DCC: variants seen among roughly 807,000 people sequenced by gnomAD.
DCC encodes the protein DCC netrin 1 receptor, also known as netrin receptor DCC.
In DCC, 58 loss-of-function variants were observed where a neutral mutation model predicts 172.5. The observed-to-expected ratio is 0.34, with a 90% CI of 0.27 to 0.42. The LOEUF (loss-of-function observed/expected upper bound fraction) is 0.42. Ranked by LOEUF, DCC falls within the 10% of genes least tolerant of loss-of-function variation. The probability of loss-of-function intolerance (pLI) is 1.00; values close to 1 mark genes in which losing one functional copy is unlikely to be tolerated. For synonymous variants in DCC, 709 were observed against 644.5 expected, an observed-to-expected ratio of 1.10 and a Z score of -1.52; for missense variants, 1,740 against 1,791.0, an observed-to-expected ratio of 0.97 and a Z score of 0.51.
chr18:52,919,560 C>T (rs2040089072), intron 3 of DCC, among the ~76,000 whole-genome samples: 1 of 151,714 alleles, frequency 6.6e-6, no homozygotes, highest in African/African-American at 2.4e-5. Context: ...ACAAACATCA[C>T]TGAAATGAGC....
At chr18:52,984,134 G>A (rs1362421481) in intron 5 of DCC, among the ~76,000 whole-genome samples, 1 of 152,006 alleles carries the variant, frequency 6.6e-6, no homozygotes, top group African/African-American at 2.4e-5. Flanking sequence ...ATGTCCCAAT[G>A]AGCTATATAG....
intron 14 of DCC, among the ~76,000 whole-genome samples, chr18:53,326,383 A>C (rs2057468606): frequency 6.6e-6 from 1 of 152,194 alleles, no homozygotes; most frequent in Non-Finnish European, 1.5e-5. Flanking sequence ...AAAATTGATA[A>C]TACCAAAGGC....
At chr18:52,880,910 A>G (rs953372234) in intron 2 of DCC, among the ~76,000 whole-genome samples, 5 of 152,104 alleles carry the variant, frequency 3.3e-5, no homozygotes, top group African/African-American at 9.6e-5. Flanking sequence ...TGATAGTTCT[A>G]TTTTTAGTTT....
chr18:52,858,627 G>A (rs149038976), intron 2 of DCC, among the ~76,000 whole-genome samples: 1,826 of 152,284 alleles, frequency 0.012, 20 homozygotes, highest in Non-Finnish European at 0.018. Context: ...TTGAAACCAA[G>A]AGAGTTTAGA....
chr18:53,497,201 C>G (rs866960878), intron 26 of DCC, among the ~76,000 whole-genome samples: 1 of 152,188 alleles, frequency 6.6e-6, no homozygotes, highest in African/African-American at 2.4e-5. Context: ...GTGAGACGCA[C>G]AATTCACAGA....
intron 2 of DCC, among the ~76,000 whole-genome samples, chr18:52,758,210 A>G (rs2037105839): frequency 6.6e-6 from 1 of 152,216 alleles, no homozygotes; most frequent in African/African-American, 2.4e-5. Flanking sequence ...AAAAACAGAC[A>G]GCATATAATT....
At chr18:53,345,535 A>G (rs140079703) in intron 15 of DCC, among the ~76,000 whole-genome samples, 1 of 152,086 alleles carries the variant, frequency 6.6e-6, no homozygotes, top group Non-Finnish European at 1.5e-5. Flanking sequence ...GATGTTTTCT[A>G]TTTACCCAGA....
At chr18:53,029,599 AG>A (rs1360710246) in intron 5 of DCC, among the ~76,000 whole-genome samples, 1 of 127,368 alleles carries the variant, frequency 7.9e-6, no homozygotes, top group Non-Finnish European at 1.6e-5. Context: ...AATAACTTGA[AG>A]GCAGATTCTA....
Position 53,459,242 on chromosome 18 carries a change from A to C in DCC, c.3403A>C (p.Thr1135Pro). ...AACTTTGTTCCATAGGAAACGGGCC[A>C]CCCACAGTGCTGGCAAAAGGAAGGG... ...SSAQQRKKRA[T>P]HSAGKRKGSQ... The change falls in exon 24 of 29, where the codon ACC (threonine) becomes CCC (proline). Residue 1135 changes from threonine to proline, a missense_variant. Transcript: ENST00000442544. The C allele has an allele frequency of 6.2e-7, 1 of 1,613,978 alleles. No individual in the cohort carries two copies. The highest frequency in any genetic ancestry group is 8.5e-7 in the Non-Finnish European group (1 of 1,179,892).
chr18:53,453,012 T>G (rs1441983937), intron 23 of DCC, among the ~76,000 whole-genome samples: 1 of 152,070 alleles, frequency 6.6e-6, no homozygotes, highest in Non-Finnish European at 1.5e-5. Flanking sequence ...GCCTCCCATT[T>G]TCATGCCATT....
chr18:52,554,844 C>A (rs984868361), intron 1 of DCC, among the ~76,000 whole-genome samples: 10 of 151,970 alleles, frequency 6.6e-5, no homozygotes, highest in African/African-American at 2.4e-4. Flanking sequence ...GGAAAAGACT[C>A]AGGAGGACAT....
chr18:53,439,815 A>G (rs1201389607), intron 22 of DCC, among the ~76,000 whole-genome samples: 1 of 135,252 alleles, frequency 7.4e-6, no homozygotes, highest in East Asian at 2.1e-4. Context: ...CCCAGGCTGG[A>G]GTGCAGTGGC....
intron 12 of DCC, among the ~76,000 whole-genome samples, chr18:53,224,391 C>T (rs924141213): frequency 6.6e-6 from 1 of 152,132 alleles, no homozygotes; most frequent in Admixed American, 6.5e-5. Flanking sequence ...TGGGTTCCGG[C>T]CAGATCTGGC....
intron 1 of DCC, among the ~76,000 whole-genome samples, chr18:52,481,587 A>G (rs1307624767): frequency 1.3e-5 from 2 of 151,984 alleles, no homozygotes; most frequent in African/African-American, 4.8e-5. Context: ...TTTTTAAACC[A>G]AGGTTACGTG....
chr18:52,983,272 A>G (rs78074907), intron 5 of DCC, among the ~76,000 whole-genome samples: 3,242 of 152,310 alleles, frequency 0.021, 59 homozygotes, highest in Admixed American at 0.039. Context: ...AAAGACATTT[A>G]CAAGACAAAG....
intron 1 of DCC, among the ~76,000 whole-genome samples, chr18:52,685,125 G>A (rs2035809716): frequency 6.6e-6 from 1 of 152,058 alleles, no homozygotes; most frequent in African/African-American, 2.4e-5. Flanking sequence ...CAATAGAATT[G>A]AACATGTTCA....
At chr18:52,579,891 A>C (rs2033503351) in intron 1 of DCC, among the ~76,000 whole-genome samples, 1 of 152,230 alleles carries the variant, frequency 6.6e-6, no homozygotes, top group Non-Finnish European at 1.5e-5. Flanking sequence ...AGTACATAGA[A>C]TCACCCTAGA....
intron 5 of DCC, among the ~76,000 whole-genome samples, chr18:52,953,000 C>CCAA (rs2040678952): frequency 1.9e-5 from 1 of 52,218 alleles, no homozygotes; most frequent in Non-Finnish European, 3.2e-5. Flanking sequence ...TCTCCTGTCT[C>CCAA]AAAAAAAAAA....
chr18:52,796,545 G>T (rs926059280), intron 2 of DCC, among the ~76,000 whole-genome samples: 2 of 152,216 alleles, frequency 1.3e-5, no homozygotes, highest in Non-Finnish European at 2.9e-5. Context: ...GTCTGGGAAA[G>T]ACTTTATTTT....
Sources: allele counts gnomAD v4.1 joint callset (sites outside exome capture counted in the v4.1 genomes callset), GRCh38; gene constraint gnomAD v4.1.1; transcripts MANE v1.5; gene names NCBI Gene and HGNC (gene_info 2026-07-23, HGNC 2026-07-21).